TENM4: variants seen among roughly 807,000 people sequenced by gnomAD.
TENM4 encodes teneurin-4.
Under a neutral mutation model 243.3 loss-of-function variants are expected in TENM4, and 82 were observed. That is an observed-to-expected ratio of 0.34 (90% confidence interval 0.28 to 0.40). The LOEUF is 0.40. Among genes scored for constraint, TENM4 ranks in the 10% least tolerant of loss-of-function variants. The pLI is 1.00. For missense variants in TENM4, 3,138 were observed against 3,673.3 expected (o/e 0.85, Z 3.77); for synonymous variants, 1,412 against 1,456.3 (o/e 0.97, Z 0.69).
In TENM4 at chr11:79,211,711, A is replaced by G. The variant is rs1351104006; in HGVS notation, c.-163+4097T>C. Among the ~76,000 whole-genome samples the G allele has an allele frequency of 4.6e-5, 7 of 152,252 alleles. No individual in the cohort carries two copies. The South Asian group carries it at 8.3e-4, about 18-fold the overall frequency. On this transcript the variant is annotated intron_variant, in intron 3 of 33. Transcript: ENST00000278550. ...TAAGGGTTTATTATTGTTAATTTAA[A>G]TAAGTGATAAATGACAATTTTAACA...
intron 6 of TENM4, among the ~76,000 whole-genome samples, chr11:78,916,903 C>G (rs541672290): frequency 1.4e-4 from 22 of 152,294 alleles, no homozygotes; most frequent in African/African-American, 5.1e-4. Flanking sequence ...ATGATAAAAG[C>G]TAAGATCCCA....
At chr11:79,432,213 C>T (rs1319099800) in intron 1 of TENM4, among the ~76,000 whole-genome samples, 1 of 152,232 alleles carries the variant, frequency 6.6e-6, no homozygotes, top group African/African-American at 2.4e-5. Flanking sequence ...ACTTCTACCA[C>T]ATTTCTTTCA....
chr11:79,173,467 C>T (rs528183710), intron 3 of TENM4, among the ~76,000 whole-genome samples: 8 of 152,250 alleles, frequency 5.3e-5, no homozygotes, highest in South Asian at 4.2e-4. Context: ...CCTCATCCAA[C>T]GTGGCCTATC....
chr11:79,164,391 TATAG>T (rs1207968864), intron 3 of TENM4, among the ~76,000 whole-genome samples: 1 of 134,884 alleles, frequency 7.4e-6, no homozygotes, highest in Non-Finnish European at 1.5e-5. Context: ...GTATATACTA[TATAG>T]ATATACTAGA....
Position 79,342,677 on chromosome 11 carries a change from A to G in TENM4, c.-320-45134T>C, listed in dbSNP as rs575157813. ...ACTCCAAACCACTTAACTCAAAGTC[A>G]TCAGGAGTGGGACCCAGGCATGAGT... On this transcript the variant is annotated intron_variant, in intron 1 of 33. Transcript: ENST00000278550. Among the ~76,000 whole-genome samples, 316 of 152,272 alleles carry G rather than the reference A, an allele frequency of 2.1e-3. 1 individual carries two copies. The highest frequency in any genetic ancestry group is 6.8e-3 in the Middle Eastern group (2 of 294).
chr11:78,732,631 A>G (rs369637568), intron 20 of TENM4, 54 bp from the exon 21 acceptor site: 2 of 1,522,578 alleles, frequency 1.3e-6, no homozygotes, highest in South Asian at 2.6e-5. Flanking sequence ...AGCAGGAACC[A>G]GGATGAGAAA....
At chr11:79,350,920 C>A (rs1163760831) in intron 1 of TENM4, among the ~76,000 whole-genome samples, 1 of 152,140 alleles carries the variant, frequency 6.6e-6, no homozygotes, top group Non-Finnish European at 1.5e-5. Context: ...GCTAAATCCT[C>A]ACACTGGCCT....
intron 2 of TENM4, among the ~76,000 whole-genome samples, chr11:79,257,920 A>C (rs1052298502): frequency 6.6e-6 from 1 of 152,232 alleles, no homozygotes; most frequent in African/African-American, 2.4e-5. Context: ...TCACGTGAGA[A>C]TCCACCAGCA....
intron 3 of TENM4, among the ~76,000 whole-genome samples, chr11:79,204,547 C>A (rs979036999): frequency 3.3e-5 from 5 of 152,112 alleles, no homozygotes; most frequent in East Asian, 1.9e-4. Context: ...AGTAGGATAC[C>A]ATTTCATACC....
chr11:78,942,858 A>G (rs1300451525), intron 6 of TENM4, among the ~76,000 whole-genome samples: 3 of 151,694 alleles, frequency 2.0e-5, no homozygotes, highest in Non-Finnish European at 4.4e-5. Flanking sequence ...AAATTGCCCA[A>G]ATGCTCTGCG....
chr11:79,422,655 C>T (rs1365546548), intron 1 of TENM4, among the ~76,000 whole-genome samples: 1 of 152,202 alleles, frequency 6.6e-6, no homozygotes, highest in East Asian at 1.9e-4. Flanking sequence ...TTCAGAAGCA[C>T]TAACATCAAG....
chr11:78,919,591 T>C (rs141801352), intron 6 of TENM4, among the ~76,000 whole-genome samples: 8 of 151,844 alleles, frequency 5.3e-5, no homozygotes, highest in South Asian at 2.1e-4. Context: ...CTTGCAGGGG[T>C]CCCTTTGTCA....
In TENM4 at chr11:79,085,388, AG is replaced by A. The variant is rs1555005369; in HGVS notation, c.-65-15380del. ...CGAGACTCTGTCTCAAAAAAAAAAA[AG>A]GGGGGTTTTTTTTTTGGGTCAGGCT... On this transcript the variant is annotated intron_variant, in intron 4 of 33. Coordinates refer to ENST00000278550, the MANE Select transcript of TENM4 (RefSeq NM_001098816.3). Among the ~76,000 whole-genome samples, 7 of 132,224 alleles carry A rather than the reference AG, an allele frequency of 5.3e-5. 1 individual carries two copies. The highest frequency in any genetic ancestry group is 7.2e-5 in the Admixed American group (1 of 13,846). The allele number at this position is 132,224 out of a possible 152,430, so 86.7% of individuals were successfully genotyped here.
At chr11:78,760,851 T>C (rs539005740) in intron 18 of TENM4, among the ~76,000 whole-genome samples, 1 of 152,368 alleles carries the variant, frequency 6.6e-6, no homozygotes, top group African/African-American at 2.4e-5. Flanking sequence ...CAAATCTCTA[T>C]TCTACTTCAC....
chr11:79,427,181 G>C (rs1329973232), intron 1 of TENM4, among the ~76,000 whole-genome samples: 2 of 152,162 alleles, frequency 1.3e-5, no homozygotes, highest in African/African-American at 2.4e-5. Context: ...GAGGGACCCT[G>C]GTCTTGGTTC....
intron 28 of TENM4, among the ~76,000 whole-genome samples, chr11:78,691,287 C>T (rs886937020): frequency 1.1e-4 from 17 of 152,192 alleles, no homozygotes; most frequent in African/African-American, 3.6e-4. Context: ...GGAGGACTGG[C>T]TCTCAGTTCA....
chr11:79,015,451 T>C (rs903701029), intron 6 of TENM4, among the ~76,000 whole-genome samples: 7 of 150,396 alleles, frequency 4.7e-5, no homozygotes. Context: ...ACTACACTGC[T>C]GATTTCATGA....
At chr11:79,005,094 G>C (rs540015359) in intron 6 of TENM4, among the ~76,000 whole-genome samples, 6 of 152,028 alleles carry the variant, frequency 3.9e-5, no homozygotes, top group Non-Finnish European at 7.4e-5. Context: ...TACCAATAAT[G>C]AATCCTGAAA....
At chr11:79,178,763 C>G (rs940312565) in intron 3 of TENM4, among the ~76,000 whole-genome samples, 1 of 152,160 alleles carries the variant, frequency 6.6e-6, no homozygotes, top group African/African-American at 2.4e-5. Context: ...CCACAGGGTC[C>G]AGCACAGTCA....
Sources: allele counts gnomAD v4.1 joint callset (sites outside exome capture counted in the v4.1 genomes callset), GRCh38; gene constraint gnomAD v4.1.1; transcripts MANE v1.5; gene names NCBI Gene and HGNC (gene_info 2026-07-23, HGNC 2026-07-21).